Variants in MPO observed in about 807,000 individuals in gnomAD.
MPO encodes the protein myeloperoxidase.
A neutral mutation model predicts 69.4 loss-of-function variants in MPO; 57 were observed. The observed-to-expected ratio is 0.82, with a 90% CI of 0.66 to 1.02. The LOEUF is 1.02. MPO is among the 50% of genes least tolerant of loss of function. MPO has a pLI of 0.00. For synonymous variants in MPO, 426 were observed against 417.1 expected (o/e 1.02, Z -0.26); for missense variants, 971 against 1,014.1 (o/e 0.96, Z 0.58).
At chr17:58,271,559 C>G in intron 11 of MPO, 96 bp downstream of exon 11, 2 of 1,221,190 alleles carry the variant, frequency 1.6e-6, no homozygotes, top group Non-Finnish European at 2.4e-6. Flanking sequence ...CTGACTCCCT[C>G]CAGTCCTTCA....
chr17:58,277,937 A>G lies in MPO; in HGVS notation c.1094T>C (p.Val365Ala). The G allele has an allele frequency of 3.7e-6, 6 of 1,613,070 alleles. No individual in the cohort carries two copies. The highest frequency in any genetic ancestry group is 5.1e-6 in the Non-Finnish European group (6 of 1,180,024). The part of the protein sequence containing the change: ...NMSNQLGLLA[V>A]NQRFQDNGRA... Reference sequence around the variant, plus strand: ...GCCGTTGTCTTGGAAGCGCTGGTTGACGGCCAGCAGCCCCAGCTGGTTGGA... The same window carrying G: ...GCCGTTGTCTTGGAAGCGCTGGTTGGCGGCCAGCAGCCCCAGCTGGTTGGA... Residue 365 changes from valine to alanine, a missense_variant, in exon 7 of 12, where the codon GTC becomes GCC. Transcript: ENST00000225275.
rs1162500182 is a variant in MPO at position 58,278,081 on chromosome 17, G to A, written c.950C>T (p.Pro317Leu). Residue 317 changes from proline to leucine, a missense_variant, in exon 7 of 12, where the codon CCG (proline) becomes CTG (leucine). Coordinates refer to ENST00000225275, the MANE Select transcript of MPO (RefSeq NM_000250.2). Reference protein sequence around the residue: ...ADCIPFFRSCPACPGSNITIR... With the variant: ...ADCIPFFRSCLACPGSNITIR... ...GGTGATGTTGCTCCCGGGGCAAGCCGGGCAGGAGCGGAAGAACGGGATGCA... is the reference window on the plus strand; with the variant it reads ...GGTGATGTTGCTCCCGGGGCAAGCCAGGCAGGAGCGGAAGAACGGGATGCA... The A allele has an allele frequency of 1.9e-6, 3 of 1,610,530 alleles. No individual in the cohort carries two copies. The highest frequency in any genetic ancestry group is 3.3e-5 in the Admixed American group (2 of 60,024).
Position 58,279,305 on chromosome 17 carries a change from C to A in MPO, c.670G>T (p.Val224Leu). The A allele has an allele frequency of 6.4e-7, 1 of 1,566,706 alleles. No individual in the cohort carries two copies. The highest frequency in any genetic ancestry group is 8.6e-7 in the Non-Finnish European group (1 of 1,156,132). ...TPGVKRNGFP[V>L]ALARAVSNEI... ...TGCCCGCCGGCGCTCACCAGAGCCA[C>A]CGGGAAGCCGTTGCGCTTGACCCCG... Residue 224 changes from valine (V) to leucine (L), a missense_variant, in exon 5 of 12, where the codon GTG (valine) becomes TTG (leucine). Val to Leu is a conservative substitution (Grantham distance 32). Coordinates refer to ENST00000225275, the MANE Select transcript of MPO (RefSeq NM_000250.2).
intron 8 of MPO, chr17:58,274,344 AGG>A: frequency 2.6e-6 from 1 of 384,494 alleles, no homozygotes; most frequent in Non-Finnish European, 5.0e-6. Flanking sequence ...TCCAGAATCT[AGG>A]AGTGTGTGTG....
At chr17:58,274,049 A>G (rs1294996222) in intron 8 of MPO, among the ~76,000 whole-genome samples, 3 of 152,222 alleles carry the variant, frequency 2.0e-5, no homozygotes, top group Non-Finnish European at 4.4e-5. Context: ...TTCTGCAACT[A>G]TCTTATAAAG....
Position 58,270,452 on chromosome 17 carries a change from C to A in MPO, c.*204G>T. 1 of 609,822 alleles carries A rather than the reference C, an allele frequency of 1.6e-6. No homozygotes were observed. 37.8% of individuals were successfully genotyped at this position (609,822 alleles called of 1,614,324 possible). A position where few individuals can be genotyped will look rare whatever the true frequency, so the allele number is the denominator to read the frequency against. ...GCACATACACATAACCCATGAAACA[C>A]TCCCCATGTTCAGACAACACACACG... is the stretch of plus-strand genomic sequence containing the variant. On this transcript the variant is annotated 3_prime_UTR_variant, in exon 12 of 12. Transcript: ENST00000225275. The surrounding 1 kb of genome is among the most constrained non-coding windows in gnomAD (Gnocchi z 4.1).
intron 8 of MPO, among the ~76,000 whole-genome samples, chr17:58,273,916 C>A (rs2143970175): frequency 6.6e-6 from 1 of 152,334 alleles, no homozygotes; most frequent in Non-Finnish European, 1.5e-5. Flanking sequence ...CCTCTCTGAG[C>A]CTGAGTTCCT....
In MPO at chr17:58,270,546, C is replaced by T. The variant is rs1322252325; in HGVS notation, c.*110G>A. The T allele has an allele frequency of 9.8e-6, 9 of 913,980 alleles. No homozygotes were observed. Among genetic ancestry groups the T allele is most frequent in the Non-Finnish European group, 1.6e-5 (9 of 567,496 alleles). The allele number at this position is 913,980 out of a possible 1,614,324, so 56.6% of individuals were successfully genotyped here. ...AAATGAACGTCTAGTCACTCATTTT[C>T]TCAGCTGCACCCAGAACAGGGCTGG... On this transcript the variant is annotated 3_prime_UTR_variant, in exon 12 of 12. Transcript: ENST00000225275. The surrounding 1 kb of genome is among the most constrained non-coding windows in gnomAD (Gnocchi z 4.1).
Position 58,275,736 on chromosome 17 carries a change from G to T in MPO, c.1205-34C>A, listed in dbSNP as rs370006511. On this transcript the variant is annotated intron_variant, in intron 7 of 11. Transcript: ENST00000225275. The surrounding 1 kb of genome is among the most constrained non-coding windows in gnomAD (Gnocchi z 4.1). ...GGCAAAAGCCACTGTCATTCTTAAG[G>T]CCTCCATCCCAGAAAAGATTTGCTC... is the stretch of plus-strand genomic sequence containing the variant. 6.2e-7 allele frequency: 1 copy of T among 1,613,326 alleles called. No individual in the cohort carries two copies. The highest frequency in any genetic ancestry group is 1.7e-5 in the Admixed American group (1 of 59,904).
intron 3 of MPO, 96 bp from the exon 4 acceptor site, chr17:58,279,742 T>A: frequency 6.2e-7 from 1 of 1,612,550 alleles, no homozygotes; most frequent in Non-Finnish European, 8.5e-7. Flanking sequence ...TGAGACTCCC[T>A]GGAGGAAGAA....
intron 6 of MPO, chr17:58,278,700 C>T: frequency 2.0e-6 from 1 of 511,646 alleles, no homozygotes. Flanking sequence ...CCAGAACCCT[C>T]TCCCAACCTA....
intron 10 of MPO, 41 bp downstream of exon 10, chr17:58,272,707 A>G: frequency 6.2e-7 from 1 of 1,604,204 alleles, no homozygotes; most frequent in Non-Finnish European, 8.5e-7. Flanking sequence ...GAGGCAGCTC[A>G]GGGGAGGTGA....
intron 8 of MPO, among the ~76,000 whole-genome samples, chr17:58,274,029 A>T (rs552388674): frequency 6.6e-6 from 1 of 152,228 alleles, no homozygotes; most frequent in Non-Finnish European, 1.5e-5. Flanking sequence ...TCAAGTTATT[A>T]ATGTCTCATT....
rs1289112534 is a variant in MPO, at chr17:58,275,718, GC to G, written c.1205-17del. ...CGGGTGTCCCCTTGGGGAGGCAAAA[GC>G]CACTGTCATTCTTAAGGCCTCCATC... is the stretch of plus-strand genomic sequence containing the variant. On this transcript the variant is annotated splice_polypyrimidine_tract_variant and intron_variant, in intron 7 of 11. Transcript: ENST00000225275. This position sits in a 1 kb window ranked among gnomAD's most constrained non-coding sequence, Gnocchi z 4.1. 6.2e-7 allele frequency: 1 copy of G among 1,614,078 alleles called. No homozygotes were observed. The highest frequency in any genetic ancestry group is 1.1e-5 in the South Asian group (1 of 91,062).
chr17:58,273,739 G>C (rs1970399678), intron 8 of MPO, 70 bp from the exon 9 acceptor site: 1 of 1,610,064 alleles, frequency 6.2e-7, no homozygotes, highest in East Asian at 2.2e-5. Flanking sequence ...GGCAGCACAG[G>C]AGGGCCAGAG....
chr17:58,272,238 A>T (rs1415335500), intron 10 of MPO, among the ~76,000 whole-genome samples: 1 of 152,166 alleles, frequency 6.6e-6, no homozygotes, highest in Admixed American at 6.5e-5. Flanking sequence ...TCTCTGACCC[A>T]TGAGAGGTGA....
At position 58,270,847 on chromosome 17, in the gene MPO, C is replaced by G. The variant is rs35702888; in HGVS notation, c.2047G>C (p.Glu683Gln). The change falls in exon 12 of 12, where the codon GAG (glutamate) becomes CAG (glutamine). Residue 683 changes from glutamate (E) to glutamine (Q), a missense_variant. By Grantham distance (29) the Glu-to-Gln change is conservative (BLOSUM62 2). Coordinates refer to ENST00000225275, the MANE Select transcript of MPO (RefSeq NM_000250.2). This position sits in a 1 kb window ranked among gnomAD's most constrained non-coding sequence, Gnocchi z 4.1. Reference sequence around the variant, plus strand: ...CGCTGCTGCATGCTGAACACACCCTCGTTCTCCCACCAAAACCTGCATGGG... The same window carrying G: ...CGCTGCTGCATGCTGAACACACCCTGGTTCTCCCACCAAAACCTGCATGGG... ...RDGDRFWWEN[E>Q]GVFSMQQRQA... 4.8e-4 allele frequency: 770 copies of G among 1,613,310 alleles called. 6 individuals are homozygous for G. The African/African-American group carries it at 9.2e-3, about 19-fold the overall frequency.
At chr17:58,271,929 C>A (rs922791319) in intron 10 of MPO, 37 bp from the exon 11 acceptor site, 3 of 1,603,602 alleles carry the variant, frequency 1.9e-6, no homozygotes, top group East Asian at 4.5e-5. Flanking sequence ...ATGGGCAGGT[C>A]TCTCTGCTTC....
Position 58,279,545 on chromosome 17 carries a change from T to C in MPO, c.526A>G (p.Ile176Val). 1 of 1,614,120 alleles carries C rather than the reference T, an allele frequency of 6.2e-7. No homozygotes were observed. The highest frequency in any genetic ancestry group is 2.2e-5 in the East Asian group (1 of 44,890). Residue 176 changes from isoleucine to valine, a missense_variant, in exon 4 of 12, where the codon ATC becomes GTC. Coordinates refer to ENST00000225275, the MANE Select transcript of MPO (RefSeq NM_000250.2). ...TCPEQDKYRTITGMCNNRRSP... is the reference protein window; with the variant it reads ...TCPEQDKYRTVTGMCNNRRSP... ...CACCTGTTGTTGCACATCCCGGTGATGGTGCGGTATTTGTCCTGCTCCGGG... is the reference window on the plus strand; with the variant it reads ...CACCTGTTGTTGCACATCCCGGTGACGGTGCGGTATTTGTCCTGCTCCGGG...
Sources: allele counts gnomAD v4.1 joint callset (sites outside exome capture counted in the v4.1 genomes callset), GRCh38; gene constraint gnomAD v4.1.1; non-coding constraint Gnocchi (gnomAD v3.1); transcripts MANE v1.5; gene names NCBI Gene and HGNC (gene_info 2026-07-23, HGNC 2026-07-21).